Variants in SH3RF1 observed in about 807,000 individuals in gnomAD.
The protein encoded by SH3RF1 is E3 ubiquitin-protein ligase SH3RF1.
Under a neutral mutation model 74.0 loss-of-function variants are expected in SH3RF1, and 32 were observed. The observed-to-expected ratio is 0.43, with a 90% CI of 0.33 to 0.58. SH3RF1 has a LOEUF of 0.58. SH3RF1 is among the 20% of genes least tolerant of loss of function. The pLI, the probability that SH3RF1 is intolerant of heterozygous loss-of-function variation, is 0.05. For missense variants in SH3RF1, 954 were observed against 1,130.9 expected, an observed-to-expected ratio of 0.84 and a Z score of 2.24; for synonymous variants, 396 against 439.6, an observed-to-expected ratio of 0.90 and a Z score of 1.24.
Position 169,155,486 on chromosome 4 carries a change from A to G in SH3RF1, c.759T>C (p.Tyr253=). Residue 253 remains tyrosine, a synonymous_variant, in exon 4 of 12, where the codon TAT becomes TAC. Coordinates refer to ENST00000284637, the MANE Select transcript of SH3RF1 (RefSeq NM_020870.4). ...TTTCTACAGATTAATTTACCTCAACATATGAAATTGGAAATATTCCTATTT... is the reference window on the plus strand; with the variant it reads ...TTTCTACAGATTAATTTACCTCAACGTATGAAATTGGAAATATTCCTATTT... ...ADKIGIFPIS[Y]VEFNSAAKQL... 6.2e-7 allele frequency: 1 copy of G among 1,610,226 alleles called. No individual in the cohort carries two copies. The highest frequency in any genetic ancestry group is 8.5e-7 in the Non-Finnish European group (1 of 1,176,660).
Position 169,188,102 on chromosome 4 carries a change from A to G in SH3RF1, c.394-31423T>C, listed in dbSNP as rs187734908. Among the ~76,000 whole-genome samples, 8 of 152,014 alleles carry G rather than the reference A, an allele frequency of 5.3e-5. No homozygotes were observed. In the East Asian group the frequency reaches 1.5e-3, roughly 29 times the overall value. ...GGGATTCTTCCTAGAGCCTTCAGAG[A>G]GTGCATGGCCCTGCTAACACCTTGA... is the stretch of plus-strand genomic sequence containing the variant. On this transcript the variant is annotated intron_variant, in intron 2 of 11. Transcript: ENST00000284637.
chr4:169,219,874 CT>C (rs2127000936), intron 2 of SH3RF1: 1 of 152,260 alleles, frequency 6.6e-6, no homozygotes, highest in Non-Finnish European at 1.5e-5. Flanking sequence ...AAATGTCATG[CT>C]TTTTATTCCT....
rs1277381286 is a variant in SH3RF1 at position 169,140,154 on chromosome 4, A to G, written c.766-3534T>C. The stretch of plus-strand genomic sequence containing the variant: ...AGTTCCAGAGAAAATCATAAAGTTA[A>G]GACTATTTGGTAGAGGCATTAAGTA... On this transcript the variant is annotated intron_variant, in intron 4 of 11. Transcript: ENST00000284637. Among the ~76,000 whole-genome samples, 3 of 152,238 alleles carry G rather than the reference A, an allele frequency of 2.0e-5. No individual in the cohort carries two copies. In the South Asian group the frequency reaches 6.2e-4, roughly 32 times the overall value.
intron 5 of SH3RF1, among the ~76,000 whole-genome samples, chr4:169,132,265 T>G (rs994190029): frequency 3.3e-5 from 5 of 152,198 alleles, no homozygotes; most frequent in African/African-American, 1.2e-4. Flanking sequence ...ATATCATTAT[T>G]GATTGACATT....
chr4:169,183,370 T>A (rs112976893), intron 2 of SH3RF1, among the ~76,000 whole-genome samples: 8,087 of 152,158 alleles, frequency 0.053, 290 homozygotes, highest in South Asian at 0.19. Context: ...AACCTCCGCC[T>A]CCCGGGTTCA....
intron 2 of SH3RF1, chr4:169,201,921 C>T (rs138068274): frequency 6.6e-6 from 1 of 152,164 alleles, no homozygotes; most frequent in East Asian, 1.9e-4. Context: ...AGGACCTGTA[C>T]CAGGAGTCAG....
intron 2 of SH3RF1, among the ~76,000 whole-genome samples, chr4:169,264,044 G>T (rs1731316824): frequency 6.6e-6 from 1 of 152,166 alleles, no homozygotes; most frequent in East Asian, 1.9e-4. Context: ...ATTGGCAGTG[G>T]ACCGAGAGGC....
At chr4:169,269,633 A>G (rs1731411904) in intron 1 of SH3RF1, 1 of 157,182 alleles carries the variant, frequency 6.4e-6, no homozygotes, top group African/African-American at 2.4e-5. Context: ...AAGTGGTATC[A>G]GCTGCCTTAA....
intron 2 of SH3RF1, among the ~76,000 whole-genome samples, chr4:169,219,783 T>C (rs1730532954): frequency 6.6e-6 from 1 of 152,240 alleles, no homozygotes; most frequent in African/African-American, 2.4e-5. Flanking sequence ...TCTTCATTTT[T>C]ATCCCTCTAC....
At chr4:169,176,627 G>C (rs976744515) in intron 2 of SH3RF1, among the ~76,000 whole-genome samples, 1 of 152,112 alleles carries the variant, frequency 6.6e-6, no homozygotes, top group African/African-American at 2.4e-5. Flanking sequence ...TGCAACCTCA[G>C]TTTCCCACGT....
At chr4:169,104,164 T>C (rs138884702) in intron 11 of SH3RF1, among the ~76,000 whole-genome samples, 1 of 152,194 alleles carries the variant, frequency 6.6e-6, no homozygotes, top group East Asian at 1.9e-4. Flanking sequence ...GAGGCTGCAG[T>C]GCCCATGCCA....
intron 2 of SH3RF1, among the ~76,000 whole-genome samples, chr4:169,160,551 A>G (rs1282481410): frequency 4.6e-5 from 7 of 152,214 alleles, no homozygotes; most frequent in African/African-American, 1.7e-4. Flanking sequence ...TTCAATGATC[A>G]ATAACCACAA....
At chr4:169,136,655 T>A (rs772395673) in intron 4 of SH3RF1, 35 bp from the exon 5 acceptor site, 82 of 1,464,740 alleles carry the variant, frequency 5.6e-5, no homozygotes, top group Non-Finnish European at 7.1e-5. Context: ...CACAAGAAGG[T>A]TAAACAATTC....
At chr4:169,116,141 AC>A in intron 10 of SH3RF1, 127 bp downstream of exon 10, 1 of 1,366,098 alleles carries the variant, frequency 7.3e-7, no homozygotes, top group Non-Finnish European at 9.9e-7. Context: ...AGTGACTCAC[AC>A]GTAGGGAGCA....
intron 4 of SH3RF1, among the ~76,000 whole-genome samples, chr4:169,146,143 A>G (rs888300812): frequency 1.4e-5 from 2 of 140,562 alleles, no homozygotes; most frequent in African/African-American, 5.3e-5. Context: ...ATATATCTAT[A>G]TATTCTATAT....
intron 4 of SH3RF1, among the ~76,000 whole-genome samples, chr4:169,145,846 ATATTATTCTATATAAAATATG>A (rs1460419181): frequency 0.065 from 8,202 of 127,100 alleles, 837 homozygotes; most frequent in South Asian, 0.11. Context: ...TGTATTCTAT[ATATTATTCTATATAAAATATG>A]TATTCTATAT....
chr4:169,226,158 C>T (rs1294414560), intron 2 of SH3RF1, among the ~76,000 whole-genome samples: 3 of 152,112 alleles, frequency 2.0e-5, no homozygotes, highest in Non-Finnish European at 2.9e-5. Flanking sequence ...TTGTTTAGTG[C>T]ACTTAATATG....
At chr4:169,104,433 A>G (rs936206967) in intron 11 of SH3RF1, among the ~76,000 whole-genome samples, 1 of 152,224 alleles carries the variant, frequency 6.6e-6, no homozygotes, top group Non-Finnish European at 1.5e-5. Context: ...TAAGAGATTC[A>G]GTGAATTCTG....
chr4:169,138,697 T>C (rs1197018262), intron 4 of SH3RF1, among the ~76,000 whole-genome samples: 1 of 152,230 alleles, frequency 6.6e-6, no homozygotes, highest in Non-Finnish European at 1.5e-5. Flanking sequence ...TTAGTGGTGC[T>C]TGTTTTGAAA....
Sources: gnomAD v4.1 joint callset for allele counts (sites outside exome capture counted in the v4.1 genomes callset) on GRCh38, gnomAD v4.1.1 for gene constraint, MANE v1.5 for transcripts, NCBI Gene and HGNC (gene_info 2026-07-23, HGNC 2026-07-21) for gene names.